The following PDE6C variants were observed in gnomAD, a reference collection of about 807,000 sequenced individuals.
The protein encoded by PDE6C is cone cGMP-specific 3',5'-cyclic phosphodiesterase subunit alpha'.
In PDE6C, 75 loss-of-function variants were observed where a neutral mutation model predicts 113.1. The observed-to-expected ratio is 0.66, with a 90% CI of 0.55 to 0.80. The LOEUF is 0.80. PDE6C is among the 30% of genes least tolerant of loss of function. The pLI is 0.00. For missense variants in PDE6C, 912 were observed against 1,038.6 expected (o/e 0.88, Z 1.67); for synonymous variants, 375 against 363.7 (o/e 1.03, Z -0.35).
At chr10:93,651,357 T>C (rs2133872616) in intron 15 of PDE6C, among the ~76,000 whole-genome samples, 1 of 152,320 alleles carries the variant, frequency 6.6e-6, no homozygotes. Context: ...TTTAATTGAC[T>C]CACAGTTCTG....
chr10:93,620,785 G>C lies in PDE6C; in HGVS notation c.633+1G>C, dbSNP rs772358009. The C allele has an allele frequency of 6.2e-7, 1 of 1,614,154 alleles. No individual in the cohort carries two copies. The highest frequency in any genetic ancestry group is 8.5e-7 in the Non-Finnish European group (1 of 1,180,026). On this transcript the variant is annotated splice_donor_variant, in intron 2 of 21. Transcript: ENST00000371447. LOFTEE classifies it high-confidence loss of function. Reference sequence around the variant, plus strand: ...TGAATTTTCCAAACAGGATGAAGAGGTAATGCTAACCCTGGGCATCTGGTT... The same window carrying C: ...TGAATTTTCCAAACAGGATGAAGAGCTAATGCTAACCCTGGGCATCTGGTT...
chr10:93,635,554 A>G lies in PDE6C; in HGVS notation c.1327A>G (p.Asn443Asp). Residue 443 changes from asparagine to aspartate, a missense_variant, in exon 10 of 22, where the codon AAT becomes GAT. Transcript: ENST00000371447. Reference sequence around the variant, plus strand: ...AAATACTGACACCTACGATAAGATGAATAAGCTAGAAAACAGAAAGGACAT... The same window carrying G: ...AAATACTGACACCTACGATAAGATGGATAAGCTAGAAAACAGAAAGGACAT... ...LLNTDTYDKM[N>D]KLENRKDIAQ... The G allele has an allele frequency of 6.2e-7, 1 of 1,613,098 alleles. No homozygotes were observed. Among genetic ancestry groups the G allele is most frequent in the Non-Finnish European group, 8.5e-7 (1 of 1,179,034 alleles).
chr10:93,621,822 T>C, intron 3 of PDE6C, 110 bp from the exon 4 acceptor site: 1 of 984,054 alleles, frequency 1.0e-6, no homozygotes, highest in South Asian at 1.3e-5. Context: ...CACTTTCCAA[T>C]GATATGCATT....
chr10:93,620,424 G>A (rs909654598), intron 1 of PDE6C, among the ~76,000 whole-genome samples: 1 of 152,128 alleles, frequency 6.6e-6, no homozygotes, highest in African/African-American at 2.4e-5. Context: ...AGCTCAGGTT[G>A]GCAGCGCTTA....
chr10:93,632,966 G>A (rs2058508956), intron 8 of PDE6C, among the ~76,000 whole-genome samples: 1 of 152,178 alleles, frequency 6.6e-6, no homozygotes, highest in Non-Finnish European at 1.5e-5. Flanking sequence ...TTATGAGTTA[G>A]AAAAATTAGA....
intron 4 of PDE6C, among the ~76,000 whole-genome samples, chr10:93,622,637 AG>A (rs1319817162): frequency 7.0e-5 from 3 of 42,976 alleles, no homozygotes; most frequent in Non-Finnish European, 1.0e-4. Context: ...TGGTAGCCAC[AG>A]GTTTTTTTTT....
intron 20 of PDE6C, 36 bp from the exon 21 acceptor site, chr10:93,662,992 T>C: frequency 6.4e-7 from 1 of 1,568,666 alleles, no homozygotes. Flanking sequence ...ATTAACTGTA[T>C]GATTTATGTA....
rs1160232679 is a variant in PDE6C at position 93,612,800 on chromosome 10, C to A, written c.75C>A (p.Asp25Glu). 6.2e-7 allele frequency: 1 copy of A among 1,614,146 alleles called. No homozygotes were observed. Among genetic ancestry groups the A allele is most frequent in the South Asian group, 1.1e-5 (1 of 91,078 alleles). Reference sequence around the variant, plus strand: ...CTCAGTTTGCCAAGGAGTACTTTGACAGGAAGTTGCGGGTGGAGGTGCTGG... The same window carrying A: ...CTCAGTTTGCCAAGGAGTACTTTGAAAGGAAGTTGCGGGTGGAGGTGCTGG... ...ENPQFAKEYF[D>E]RKLRVEVLGE... Residue 25 changes from aspartate to glutamate, a missense_variant, in exon 1 of 22, where the codon GAC becomes GAA. Physicochemically the swap from Asp to Glu is conservative, Grantham distance 45. Transcript: ENST00000371447.
intron 8 of PDE6C, among the ~76,000 whole-genome samples, chr10:93,632,841 C>T (rs2058508184): frequency 6.6e-6 from 1 of 152,140 alleles, no homozygotes; most frequent in Non-Finnish European, 1.5e-5. Flanking sequence ...TGTATAATGA[C>T]TACATAGAGT....
intron 21 of PDE6C, among the ~76,000 whole-genome samples, chr10:93,663,576 C>T (rs990688618): frequency 6.6e-6 from 1 of 152,158 alleles, no homozygotes; most frequent in Non-Finnish European, 1.5e-5. Context: ...GCTTGCTTAA[C>T]CTCGCTGAGT....
intron 16 of PDE6C, among the ~76,000 whole-genome samples, chr10:93,658,128 C>T (rs2058647346): frequency 8.5e-6 from 1 of 118,022 alleles, no homozygotes; most frequent in South Asian, 3.0e-4. Context: ...TAGGATCAAG[C>T]TATTTCACTC....
chr10:93,623,644 A>G (rs2058459161), intron 4 of PDE6C, among the ~76,000 whole-genome samples: 1 of 152,192 alleles, frequency 6.6e-6, no homozygotes, highest in Admixed American at 6.5e-5. Flanking sequence ...TGAAAGGTAC[A>G]AGTTCTGTTT....
chr10:93,665,469 C>T lies in PDE6C; in HGVS notation c.*51C>T, dbSNP rs766568769. 7 of 1,190,610 alleles carry T rather than the reference C, an allele frequency of 5.9e-6. No homozygotes were observed. The highest frequency in any genetic ancestry group is 3.4e-5 in the Admixed American group (2 of 59,300). 73.8% of individuals were successfully genotyped at this position (1,190,610 alleles called of 1,614,324 possible). Reference sequence around the variant, plus strand: ...AATATCATTTTACCTTTGAAGAAAACCAGAAAACATTCAAAAGAACTTCAA... The same window carrying T: ...AATATCATTTTACCTTTGAAGAAAATCAGAAAACATTCAAAAGAACTTCAA... On this transcript the variant is annotated 3_prime_UTR_variant, in exon 22 of 22. Coordinates refer to ENST00000371447, the MANE Select transcript of PDE6C (RefSeq NM_006204.4).
At chr10:93,654,321 G>A (rs2058622464) in intron 15 of PDE6C, among the ~76,000 whole-genome samples, 1 of 152,222 alleles carries the variant, frequency 6.6e-6, no homozygotes, top group African/African-American at 2.4e-5. Context: ...GAGAGGTAAT[G>A]TAGTGTGGTG....
intron 7 of PDE6C, 117 bp from the exon 8 acceptor site, chr10:93,629,141 G>A: frequency 1.2e-6 from 1 of 856,678 alleles, no homozygotes; most frequent in Admixed American, 1.7e-5. Flanking sequence ...CCCGCAAGCA[G>A]TCAAGAGCCG....
Position 93,637,059 on chromosome 10 carries a change from T to C in PDE6C, c.1478T>C (p.Ile493Thr), listed in dbSNP as rs2058536715. The C allele has an allele frequency of 1.3e-6, 2 of 1,573,988 alleles. No homozygotes were observed. Among genetic ancestry groups the C allele is most frequent in the Admixed American group, 1.7e-5 (1 of 59,872 alleles). Residue 493 changes from isoleucine to threonine, a missense_variant, in exon 11 of 22, where the codon ATT becomes ACT. Ile to Thr is a moderately conservative substitution (Grantham distance 89). Transcript: ENST00000371447. ...DDCEEKQLVA[I>T]LKEDLPDPRS... ...TGTGAAGAAAAACAACTTGTTGCAATTTTGGTAAGTGTTTTCTTTCTAACC... is the reference window on the plus strand; with the variant it reads ...TGTGAAGAAAAACAACTTGTTGCAACTTTGGTAAGTGTTTTCTTTCTAACC...
chr10:93,622,345 G>A (rs1419188924), intron 4 of PDE6C, among the ~76,000 whole-genome samples: 1 of 151,558 alleles, frequency 6.6e-6, no homozygotes, highest in East Asian at 1.9e-4. Flanking sequence ...CAGAAAAATT[G>A]ATTATAAAGT....
At chr10:93,622,101 A>C in intron 4 of PDE6C, 29 bp downstream of exon 4, 2 of 1,608,648 alleles carry the variant, frequency 1.2e-6, no homozygotes, top group Non-Finnish European at 1.7e-6. Flanking sequence ...ATTTTGTCTC[A>C]TCTCACATCG....
chr10:93,633,365 C>G (rs2058511117), intron 8 of PDE6C, among the ~76,000 whole-genome samples: 1 of 150,358 alleles, frequency 6.7e-6, no homozygotes, highest in African/African-American at 2.4e-5. Flanking sequence ...ACTCGTGAGG[C>G]TGAGGCAGGA....
Sources: gnomAD v4.1 joint callset for allele counts (sites outside exome capture counted in the v4.1 genomes callset) on GRCh38, gnomAD v4.1.1 for gene constraint, MANE v1.5 for transcripts, NCBI Gene and HGNC (gene_info 2026-07-23, HGNC 2026-07-21) for gene names.